NUFIP1: variants seen among roughly 807,000 people sequenced by gnomAD.
NUFIP1 encodes nuclear FMR1 interacting protein 1.
In NUFIP1, 38 loss-of-function variants were observed where a neutral mutation model predicts 56.2. The ratio of observed to expected loss-of-function variants is 0.68; its 90% CI spans 0.52 to 0.89. NUFIP1 has a LOEUF of 0.89. Ranked by LOEUF, NUFIP1 falls within the 40% of genes least tolerant of loss-of-function variation. The pLI is 0.00. For synonymous variants in NUFIP1, 215 were observed against 212.4 expected (o/e 1.01, Z -0.10); for missense variants, 567 against 605.8 (o/e 0.94, Z 0.67).
intron 5 of NUFIP1, among the ~76,000 whole-genome samples, chr13:44,970,861 AG>A (rs1320842286): frequency 6.6e-6 from 1 of 151,884 alleles, no homozygotes; most frequent in African/African-American, 2.4e-5. Context: ...TTTTTAGTAG[AG>A]ATAGGGTTTC....
intron 1 of NUFIP1, among the ~76,000 whole-genome samples, chr13:44,986,266 G>C (rs199575187): frequency 2.8e-5 from 4 of 142,638 alleles, no homozygotes; most frequent in Non-Finnish European, 6.2e-5. Flanking sequence ...TTTATGGAAG[G>C]AGGTCAAAAG....
chr13:44,984,865 C>T (rs1042595004), intron 1 of NUFIP1, among the ~76,000 whole-genome samples: 2 of 152,090 alleles, frequency 1.3e-5, no homozygotes, highest in Non-Finnish European at 2.9e-5. Flanking sequence ...CCCGTTCCCC[C>T]CACCCCACAA....
chr13:44,979,279 A>G lies in NUFIP1; in HGVS notation c.658-13T>C. 1.2e-6 allele frequency: 2 copies of G among 1,606,688 alleles called. No individual in the cohort carries two copies. Among genetic ancestry groups the G allele is most frequent in the Non-Finnish European group, 1.7e-6 (2 of 1,177,276 alleles). ...CAGGAGCATGCATCTAGGGGGAAAAAGCCTGCTGAACATCAGGAGGCAATA... is the reference window on the plus strand; with the variant it reads ...CAGGAGCATGCATCTAGGGGGAAAAGGCCTGCTGAACATCAGGAGGCAATA... On this transcript the variant is annotated splice_polypyrimidine_tract_variant and intron_variant, in intron 4 of 9. Coordinates refer to ENST00000379161, the MANE Select transcript of NUFIP1 (RefSeq NM_012345.3).
At chr13:44,962,706 C>T (rs1000871653) in intron 6 of NUFIP1, among the ~76,000 whole-genome samples, 2 of 152,138 alleles carry the variant, frequency 1.3e-5, no homozygotes, top group African/African-American at 2.4e-5. Flanking sequence ...ATTCACTCAC[C>T]ACTCACTCGC....
chr13:44,951,583 T>C (rs984996600), intron 7 of NUFIP1, among the ~76,000 whole-genome samples: 1 of 152,210 alleles, frequency 6.6e-6, no homozygotes, highest in Non-Finnish European at 1.5e-5. Flanking sequence ...CTCCCAGCTA[T>C]AGCTCCATTT....
chr13:44,954,174 T>A (rs1460295886), intron 7 of NUFIP1, among the ~76,000 whole-genome samples: 1 of 152,206 alleles, frequency 6.6e-6, no homozygotes, highest in African/African-American at 2.4e-5. Context: ...AACATCTTTC[T>A]AAACTGAAAA....
chr13:44,976,470 G>GT (rs1473407950), intron 5 of NUFIP1, among the ~76,000 whole-genome samples: 1 of 151,568 alleles, frequency 6.6e-6, no homozygotes, highest in Non-Finnish European at 1.5e-5. Context: ...AGAAAAAGAA[G>GT]AATAACAACA....
At chr13:44,976,386 TGAG>T (rs200342181) in intron 5 of NUFIP1, among the ~76,000 whole-genome samples, 493 of 128,386 alleles carry the variant, frequency 3.8e-3, no homozygotes, top group African/African-American at 0.013. Flanking sequence ...AAGGTGAAGG[TGAG>T]GAGGAGGAGG....
intron 5 of NUFIP1, among the ~76,000 whole-genome samples, chr13:44,967,874 G>A (rs183467811): frequency 1.3e-5 from 2 of 152,298 alleles, no homozygotes; most frequent in Non-Finnish European, 1.5e-5. Context: ...CTACTACCCC[G>A]TCTGGCTGCT....
chr13:44,950,275 CT>C (rs1285743228), intron 7 of NUFIP1, among the ~76,000 whole-genome samples: 5 of 152,158 alleles, frequency 3.3e-5, no homozygotes, highest in African/African-American at 1.2e-4. Flanking sequence ...GTTTTTAAGA[CT>C]GTTTTTGGGG....
chr13:44,973,553 T>A (rs574246724), intron 5 of NUFIP1, among the ~76,000 whole-genome samples: 7 of 152,308 alleles, frequency 4.6e-5, no homozygotes, highest in Admixed American at 4.6e-4. Flanking sequence ...CACTATGGGA[T>A]AGAAGCAGCC....
Position 44,989,191 on chromosome 13 carries a change from G to T in NUFIP1, c.246C>A (p.Asp82Glu). The T allele has an allele frequency of 6.2e-7, 1 of 1,611,922 alleles. No homozygotes were observed. Among genetic ancestry groups the T allele is most frequent in the Non-Finnish European group, 8.5e-7 (1 of 1,178,944 alleles). The change falls in exon 1 of 10, where the codon GAC (aspartate) becomes GAA (glutamate). Residue 82 changes from aspartate (D) to glutamate (E), a missense_variant. Transcript: ENST00000379161. ...GTTGCGCCCCGGGAAGAATCTGGGC[G>T]TCGAAGGGGGGCGGAGCCCCGGGGA... ...QSLPGAPPPFDAQILPGAQPP... is the reference protein window; with the variant it reads ...QSLPGAPPPFEAQILPGAQPP...
intron 5 of NUFIP1, among the ~76,000 whole-genome samples, chr13:44,972,699 G>A (rs185800894): frequency 6.6e-6 from 1 of 152,296 alleles, no homozygotes; most frequent in African/African-American, 2.4e-5. Context: ...AAAACAAATA[G>A]ACGGCCCTCC....
intron 2 of NUFIP1, 113 bp from the exon 3 acceptor site, chr13:44,980,933 C>CGTGTG: frequency 3.3e-6 from 2 of 604,824 alleles, no homozygotes; most frequent in Non-Finnish European, 2.8e-6. Context: ...ATAACCCTTT[C>CGTGTG]GTGTGGGAGA....
rs745844113 is a variant in NUFIP1, at chr13:44,979,251, T to C, written c.673A>G (p.Met225Val). 6.2e-6 allele frequency: 10 copies of C among 1,613,376 alleles called. No individual in the cohort carries two copies. Among genetic ancestry groups the C allele is most frequent in the African/African-American group, 1.3e-5 (1 of 74,902 alleles). The change falls in exon 5 of 10, where the codon ATG (methionine) becomes GTG (valine). Residue 225 changes from methionine (M) to valine (V), a missense_variant. Met to Val is a conservative substitution (Grantham distance 21). Transcript: ENST00000379161. Reference sequence around the variant, plus strand: ...GGAGTGTCTAACTTGATCTTCTTCATGCCAGGAGCATGCATCTAGGGGGAA... The same window carrying C: ...GGAGTGTCTAACTTGATCTTCTTCACGCCAGGAGCATGCATCTAGGGGGAA... ...FHWRNMHAPGMKKIKLDTPEE... is the reference protein window; with the variant it reads ...FHWRNMHAPGVKKIKLDTPEE...
chr13:44,951,844 G>A (rs1871093651), intron 7 of NUFIP1, among the ~76,000 whole-genome samples: 1 of 152,170 alleles, frequency 6.6e-6, no homozygotes, highest in South Asian at 2.1e-4. Context: ...GCTAAAAAAT[G>A]CTAAAACTCA....
intron 8 of NUFIP1, among the ~76,000 whole-genome samples, chr13:44,949,191 T>C (rs1194104680): frequency 7.1e-6 from 1 of 141,098 alleles, no homozygotes; most frequent in African/African-American, 2.6e-5. Context: ...ATTCTTTCAT[T>C]ATATTGTATT....
At chr13:44,981,753 A>G (rs747568005) in intron 2 of NUFIP1, among the ~76,000 whole-genome samples, 9 of 152,180 alleles carry the variant, frequency 5.9e-5, no homozygotes, top group Non-Finnish European at 1.3e-4. Flanking sequence ...CGGAGGTTGC[A>G]GTGAGCCAAG....
At chr13:44,955,372 A>G (rs1871193355) in intron 7 of NUFIP1, among the ~76,000 whole-genome samples, 1 of 152,198 alleles carries the variant, frequency 6.6e-6, no homozygotes, top group South Asian at 2.1e-4. Flanking sequence ...ACCAAATACA[A>G]TACAGAAAAG....
Sources: gnomAD v4.1 joint callset for allele counts (sites outside exome capture counted in the v4.1 genomes callset) on GRCh38, gnomAD v4.1.1 for gene constraint, MANE v1.5 for transcripts, NCBI Gene and HGNC (gene_info 2026-07-23, HGNC 2026-07-21) for gene names.